FAM184A: variants seen among roughly 807,000 people sequenced by gnomAD.
FAM184A encodes protein FAM184A.
In FAM184A, 99 loss-of-function variants were observed where a neutral mutation model predicts 143.8. That is an observed-to-expected ratio of 0.69 (90% CI 0.58 to 0.81). FAM184A has a LOEUF of 0.81. Among genes scored for constraint, FAM184A ranks in the 40% least tolerant of loss-of-function variants. The pLI is 0.00. For missense variants in FAM184A, 1,217 were observed against 1,310.5 expected, an observed-to-expected ratio of 0.93 and a Z score of 1.10; for synonymous variants, 427 against 446.4, an observed-to-expected ratio of 0.96 and a Z score of 0.55.
At chr6:119,080,311 C>T (rs1219309960), upstream of FAM184A, among the ~76,000 whole-genome samples, 1 of 152,152 alleles carries the variant, frequency 6.6e-6, no homozygotes, top group African/African-American at 2.4e-5. Flanking sequence ...ATGGTGTTAC[C>T]AGCTGCTTCC....
chr6:119,073,134 T>G (rs538082101), intron 1 of FAM184A, among the ~76,000 whole-genome samples: 1 of 152,286 alleles, frequency 6.6e-6, no homozygotes, highest in Non-Finnish European at 1.5e-5. Context: ...AAGTATCAAG[T>G]AAGAGGTACC....
chr6:119,010,180 T>A (rs1045555895), intron 6 of FAM184A, among the ~76,000 whole-genome samples: 6 of 152,196 alleles, frequency 3.9e-5, no homozygotes, highest in African/African-American at 1.4e-4. Flanking sequence ...TTTCTATACT[T>A]CTTCTACTAT....
At chr6:119,028,663 TCTAA>T (rs913656855) in intron 1 of FAM184A, among the ~76,000 whole-genome samples, 3 of 152,170 alleles carry the variant, frequency 2.0e-5, no homozygotes, top group Admixed American at 1.3e-4. Flanking sequence ...ATCTCTTCCC[TCTAA>T]CTAACTTCTT....
intron 1 of FAM184A, among the ~76,000 whole-genome samples, chr6:119,035,889 T>G (rs928686127): frequency 6.6e-6 from 1 of 152,304 alleles, no homozygotes; most frequent in East Asian, 1.9e-4. Flanking sequence ...CCCTAAAATG[T>G]ATAAAACCAA....
At chr6:119,111,675 T>C (rs182239163) in intron 1 of FAM184A, among the ~76,000 whole-genome samples, 30 of 152,354 alleles carry the variant, frequency 2.0e-4, no homozygotes, top group Non-Finnish European at 3.5e-4. Flanking sequence ...TGTCTGTTGA[T>C]GAACAGATTG....
intron 1 of FAM184A, among the ~76,000 whole-genome samples, chr6:119,052,439 G>A (rs971115554): frequency 7.2e-5 from 11 of 152,144 alleles, no homozygotes; most frequent in African/African-American, 2.7e-4. Flanking sequence ...ACCACCATCT[G>A]GCATTAGGCC....
intron 1 of FAM184A, among the ~76,000 whole-genome samples, chr6:119,114,979 C>T (rs892999222): frequency 2.0e-5 from 3 of 152,098 alleles, no homozygotes; most frequent in South Asian, 2.1e-4. Context: ...TGCAGCCTTC[C>T]GAGTAGCTGG....
At chr6:119,089,573 G>C (rs1788317849) in intron 1 of FAM184A, among the ~76,000 whole-genome samples, 1 of 152,130 alleles carries the variant, frequency 6.6e-6, no homozygotes, top group Middle Eastern at 3.2e-3. Flanking sequence ...AAAGCACTGG[G>C]ATTACAGGTG....
intron 9 of FAM184A, among the ~76,000 whole-genome samples, chr6:118,984,146 AT>A (rs1482089732): frequency 1.3e-5 from 1 of 78,718 alleles, no homozygotes; most frequent in Non-Finnish European, 2.6e-5. Flanking sequence ...ACGAAACTCC[AT>A]TTAAAAAAAA....
intron 1 of FAM184A, chr6:119,025,577 G>A (rs778482977): frequency 1.9e-6 from 1 of 518,798 alleles, no homozygotes; most frequent in Non-Finnish European, 3.8e-6. Flanking sequence ...ATTTCACTGA[G>A]ATGTCCCAAC....
At position 119,039,102 on chromosome 6, in the gene FAM184A, T is replaced by C. The variant is rs540840005; in HGVS notation, c.160-14289A>G. ...ATTTGCATATTAAAATAGTAAGATG[T>C]CACGACACACATATTAGATCTAGGC... On this transcript the variant is annotated intron_variant, in intron 1 of 17. Coordinates refer to ENST00000338891, the MANE Select transcript of FAM184A (RefSeq NM_024581.6). 2.6e-5 allele frequency among the ~76,000 whole-genome samples: 4 copies of C among 152,322 alleles called. No homozygotes were observed. The East Asian group carries it at 7.7e-4, about 29-fold the overall frequency.
Position 119,006,602 on chromosome 6 carries a change from G to A in FAM184A, c.1660C>T (p.His554Tyr), listed in dbSNP as rs774258490. ...KLNTANQEIG[H>Y]LQDMVRKSEQ... ...CTTTTCCTTACCATATCTTGGAGGT[G>A]GCCAATCTGTAAGTAAATAGAGTAC... The change falls in exon 7 of 18, where the codon CAC becomes TAC. Residue 554 changes from histidine to tyrosine, a missense_variant. Transcript: ENST00000338891. 1 of 1,609,142 alleles carries A rather than the reference G, an allele frequency of 6.2e-7. No individual in the cohort carries two copies. The highest frequency in any genetic ancestry group is 8.5e-7 in the Non-Finnish European group (1 of 1,177,840).
chr6:119,068,976 A>T (rs1787579463), intron 1 of FAM184A: 2 of 308,290 alleles, frequency 6.5e-6, no homozygotes, highest in African/African-American at 2.3e-5. Context: ...ACTGATAAAT[A>T]TGTTGTAATT....
At chr6:119,130,980 C>A (rs1384749580) in intron 1 of FAM184A, among the ~76,000 whole-genome samples, 1 of 151,516 alleles carries the variant, frequency 6.6e-6, no homozygotes, top group Non-Finnish European at 1.5e-5. Flanking sequence ...GCCTCATCCT[C>A]CTGAAGTAGC....
Position 118,960,306 on chromosome 6 carries a change from T to G in FAM184A, c.3342-122A>C. 3 of 735,234 alleles carry G rather than the reference T, an allele frequency of 4.1e-6. No homozygotes were observed. The South Asian group carries it at 5.4e-5, about 13-fold the overall frequency. The allele number at this position is 735,234 out of a possible 1,614,324, so 45.5% of individuals were successfully genotyped here. On this transcript the variant is annotated intron_variant, in intron 17 of 17. Coordinates refer to ENST00000338891, the MANE Select transcript of FAM184A (RefSeq NM_024581.6). ...GGGTTCCCCATGTTGTAAGTCGTGT[T>G]TTAAAGATTTGCTACCCCCTCTATA...
intron 1 of FAM184A, among the ~76,000 whole-genome samples, chr6:119,032,820 AAG>A (rs1394596436): frequency 6.6e-6 from 1 of 152,252 alleles, no homozygotes; most frequent in Non-Finnish European, 1.5e-5. Flanking sequence ...ATTTTAAACA[AAG>A]AGAATGTTTG....
At chr6:119,114,386 A>T (rs1789007195) in intron 1 of FAM184A, among the ~76,000 whole-genome samples, 1 of 152,178 alleles carries the variant, frequency 6.6e-6, no homozygotes, top group African/African-American at 2.4e-5. Context: ...GGATGACCCC[A>T]CTAACACAGC....
chr6:119,036,261 T>A (rs1420890025), intron 1 of FAM184A, among the ~76,000 whole-genome samples: 3 of 151,932 alleles, frequency 2.0e-5, no homozygotes, highest in Admixed American at 6.6e-5. Context: ...CAAAAGCCAT[T>A]CTTCGTACAT....
intron 14 of FAM184A, among the ~76,000 whole-genome samples, chr6:118,968,719 A>C (rs1783575947): frequency 6.6e-6 from 1 of 152,244 alleles, no homozygotes; most frequent in Non-Finnish European, 1.5e-5. Context: ...GTAGCTAAAC[A>C]ACTAAATTTA....
Sources: gnomAD v4.1 joint callset for allele counts (sites outside exome capture counted in the v4.1 genomes callset) on GRCh38, gnomAD v4.1.1 for gene constraint, MANE v1.5 for transcripts, NCBI Gene and HGNC (gene_info 2026-07-23, HGNC 2026-07-21) for gene names.